Variants in CMSS1 observed in about 807,000 individuals in gnomAD.
The protein encoded by CMSS1 is protein CMSS1.
A neutral mutation model predicts 43.5 loss-of-function variants in CMSS1; 33 were observed. The ratio of observed to expected loss-of-function variants is 0.76; its 90% CI spans 0.57 to 1.01. The LOEUF (loss-of-function observed/expected upper bound fraction) is 1.01, where lower values mean the gene tolerates loss of function less well. Ranked by LOEUF, CMSS1 falls within the 50% of genes least tolerant of loss-of-function variation. CMSS1 has a pLI of 0.00. For synonymous variants in CMSS1, 115 were observed against 117.2 expected (o/e 0.98, Z 0.12); for missense variants, 313 against 326.4 (o/e 0.96, Z 0.32).
intron 1 of CMSS1, among the ~76,000 whole-genome samples, chr3:100,037,911 G>A (rs1434372897): frequency 1.4e-5 from 2 of 148,042 alleles, no homozygotes; most frequent in African/African-American, 2.5e-5. Flanking sequence ...GCTCTGAATC[G>A]CTTAGGTTTT....
chr3:100,178,338 G>A lies in CMSS1; in HGVS notation c.790G>A (p.Gly264Arg), dbSNP rs767147032. The A allele has an allele frequency of 3.1e-6, 5 of 1,613,260 alleles. No individual in the cohort carries two copies. The highest frequency in any genetic ancestry group is 4.2e-6 in the Non-Finnish European group (5 of 1,179,388). Residue 264 changes from glycine (G) to arginine (R), a missense_variant, in exon 10 of 10, where the codon GGA (glycine) becomes AGA (arginine). By Grantham distance (125) the Gly-to-Arg change is moderately radical (BLOSUM62 -2). Coordinates refer to ENST00000421999, the MANE Select transcript of CMSS1 (RefSeq NM_032359.4). ...GGAGGTATTCGAACTTCTGGAAATG[G>A]GAGTGCTCAGTCTGTGCAAGTCAGA... ...RKEVFELLEM[G>R]VLSLCKSESL...
chr3:100,053,942 C>T (rs1319306232), intron 1 of CMSS1, among the ~76,000 whole-genome samples: 1 of 152,232 alleles, frequency 6.6e-6, no homozygotes, highest in East Asian at 1.9e-4. Flanking sequence ...CAAGCATTGA[C>T]TCTGGCCCAC....
At chr3:99,867,236 G>A (rs1944563570) in intron 1 of CMSS1, among the ~76,000 whole-genome samples, 2 of 152,100 alleles carry the variant, frequency 1.3e-5, no homozygotes, top group African/African-American at 4.8e-5. Context: ...TCCCTGAGCA[G>A]GAGTTTCACC....
intron 1 of CMSS1, among the ~76,000 whole-genome samples, chr3:99,903,932 A>G (rs1041197611): frequency 7.2e-5 from 11 of 152,238 alleles, no homozygotes; most frequent in African/African-American, 2.4e-4. Context: ...ATTTGGTAAT[A>G]GAAAAATATG....
intron 1 of CMSS1, among the ~76,000 whole-genome samples, chr3:99,983,394 ATAT>A (rs1709194009): frequency 2.1e-4 from 18 of 84,860 alleles, no homozygotes; most frequent in Admixed American, 1.2e-3. Flanking sequence ...AAATAAATAT[ATAT>A]ATATATATAT....
intron 1 of CMSS1, 98 bp downstream of exon 1, chr3:99,818,141 C>T: frequency 5.2e-6 from 6 of 1,156,364 alleles, no homozygotes; most frequent in Non-Finnish European, 7.6e-6. Flanking sequence ...GTTTGCCCAG[C>T]AGGGGTGTGC....
At chr3:100,006,231 T>G (rs1473196111) in intron 1 of CMSS1, among the ~76,000 whole-genome samples, 1 of 152,144 alleles carries the variant, frequency 6.6e-6, no homozygotes, top group Non-Finnish European at 1.5e-5. Flanking sequence ...ACCCAAACTG[T>G]TTTCCCCAGC....
chr3:100,059,991 C>G (rs2065532312), intron 1 of CMSS1, among the ~76,000 whole-genome samples: 1 of 148,814 alleles, frequency 6.7e-6, no homozygotes, highest in Non-Finnish European at 1.5e-5. Context: ...AAATGTGACC[C>G]ATATGACTAG....
chr3:99,939,968 G>T (rs550745738), intron 1 of CMSS1, among the ~76,000 whole-genome samples: 1 of 151,968 alleles, frequency 6.6e-6, no homozygotes, highest in South Asian at 2.1e-4. Context: ...TGTTTTCTAC[G>T]TGCTGCAGTC....
chr3:100,112,146 A>G (rs1039514947), intron 1 of CMSS1, among the ~76,000 whole-genome samples: 1 of 152,234 alleles, frequency 6.6e-6, no homozygotes, highest in Non-Finnish European at 1.5e-5. Flanking sequence ...CTTACTGTGT[A>G]TTGCTGGTAG....
chr3:100,053,437 G>A (rs573216608), intron 1 of CMSS1, among the ~76,000 whole-genome samples: 11 of 152,206 alleles, frequency 7.2e-5, no homozygotes, highest in African/African-American at 2.4e-4. Context: ...CAAATCTGCC[G>A]CTGTCTTTAC....
intron 3 of CMSS1, among the ~76,000 whole-genome samples, chr3:100,161,604 T>G (rs1409386106): frequency 4.6e-5 from 7 of 152,190 alleles, no homozygotes; most frequent in African/African-American, 1.4e-4. Flanking sequence ...TCTGGATCTT[T>G]GGTGGAACAT....
At chr3:100,009,247 T>C (rs1197439615) in intron 1 of CMSS1, among the ~76,000 whole-genome samples, 2 of 152,200 alleles carry the variant, frequency 1.3e-5, no homozygotes, top group African/African-American at 4.8e-5. Flanking sequence ...TTATCAAGAA[T>C]ATAAGATCTA....
intron 1 of CMSS1, among the ~76,000 whole-genome samples, chr3:99,872,617 A>T (rs1193348390): frequency 2.0e-5 from 3 of 152,030 alleles, no homozygotes; most frequent in African/African-American, 7.3e-5. Flanking sequence ...TTTAAAAAAA[A>T]TTCTATACTT....
intron 1 of CMSS1, among the ~76,000 whole-genome samples, chr3:99,964,087 C>T (rs1708573707): frequency 6.6e-6 from 1 of 151,996 alleles, no homozygotes. Flanking sequence ...TAAATAAAAA[C>T]AGAGGGCATA....
chr3:100,171,025 T>A (rs568565188), intron 6 of CMSS1, among the ~76,000 whole-genome samples: 1 of 152,310 alleles, frequency 6.6e-6, no homozygotes, highest in Admixed American at 6.5e-5. Flanking sequence ...CACATCATCA[T>A]AACTGGCAAA....
At chr3:99,971,174 A>G (rs1404865145) in intron 1 of CMSS1, among the ~76,000 whole-genome samples, 2 of 152,116 alleles carry the variant, frequency 1.3e-5, no homozygotes, top group Non-Finnish European at 2.9e-5. Flanking sequence ...CGTCTCTACT[A>G]AAAATACAAA....
intron 1 of CMSS1, among the ~76,000 whole-genome samples, chr3:99,948,558 G>C (rs544429629): frequency 6.9e-6 from 1 of 145,644 alleles, no homozygotes; most frequent in East Asian, 2.0e-4. Flanking sequence ...AGGGGGAGAA[G>C]AAGGAGAAGG....
At chr3:100,009,286 C>T (rs549075861) in intron 1 of CMSS1, among the ~76,000 whole-genome samples, 2 of 152,192 alleles carry the variant, frequency 1.3e-5, no homozygotes, top group South Asian at 4.2e-4. Flanking sequence ...TTCCTGTTGT[C>T]CTGAAACAAA....
Sources: allele counts gnomAD v4.1 joint callset (sites outside exome capture counted in the v4.1 genomes callset), GRCh38; gene constraint gnomAD v4.1.1; transcripts MANE v1.5; gene names NCBI Gene and HGNC (gene_info 2026-07-23, HGNC 2026-07-21).